The following CTNND2 variants were observed in gnomAD, a reference collection of about 807,000 sequenced individuals.
CTNND2 encodes catenin delta-2.
CTNND2 carries 22 observed loss-of-function variants against 144.4 expected under a neutral mutation model. That is an observed-to-expected ratio of 0.15 (90% CI 0.11 to 0.22). The LOEUF (loss-of-function observed/expected upper bound fraction) is 0.22. Among genes scored for constraint, CTNND2 ranks in the 10% least tolerant of loss-of-function variants. CTNND2 has a pLI of 1.00. For missense variants in CTNND2, 1,353 were observed against 1,618.8 expected, an observed-to-expected ratio of 0.84 and a Z score of 2.82; for synonymous variants, 751 against 695.6, an observed-to-expected ratio of 1.08 and a Z score of -1.25.
chr5:11,799,047 T>C (rs1349144726), intron 1 of CTNND2, among the ~76,000 whole-genome samples: 1 of 152,176 alleles, frequency 6.6e-6, no homozygotes, highest in African/African-American at 2.4e-5. Flanking sequence ...GGTTTGTCAA[T>C]ATTCTTTTTT....
intron 3 of CTNND2, among the ~76,000 whole-genome samples, chr5:11,422,898 A>G (rs1390752949): frequency 2.0e-5 from 3 of 152,216 alleles, no homozygotes; most frequent in Non-Finnish European, 4.4e-5. Context: ...GGTGCATTAT[A>G]AAGTAGAAAA....
intron 9 of CTNND2, among the ~76,000 whole-genome samples, chr5:11,315,951 T>C (rs1352248569): frequency 2.0e-5 from 3 of 152,186 alleles, no homozygotes; most frequent in Non-Finnish European, 1.5e-5. Context: ...AGGACAACTT[T>C]TGGCCATTAC....
intron 11 of CTNND2, among the ~76,000 whole-genome samples, chr5:11,182,930 C>T (rs752207952): frequency 5.4e-4 from 82 of 152,184 alleles, no homozygotes; most frequent in Non-Finnish European, 1.1e-3. Context: ...TTAGTAAGAT[C>T]CTGGTATTTG....
intron 1 of CTNND2, among the ~76,000 whole-genome samples, chr5:11,873,926 G>C (rs1305025149): frequency 6.6e-6 from 1 of 152,190 alleles, no homozygotes. Flanking sequence ...AAGTAATACA[G>C]AGGGAGCCTA....
At chr5:11,240,243 ACACACT>A (rs1277855797) in intron 9 of CTNND2, among the ~76,000 whole-genome samples, 19 of 125,594 alleles carry the variant, frequency 1.5e-4, no homozygotes, top group African/African-American at 4.6e-4. Context: ...ACACCAACAC[ACACACT>A]CACACACCCA....
At chr5:11,538,133 T>TA (rs1222594847) in intron 3 of CTNND2, among the ~76,000 whole-genome samples, 1 of 152,220 alleles carries the variant, frequency 6.6e-6, no homozygotes, top group Admixed American at 6.5e-5. Context: ...ATTTTGTCCA[T>TA]AAACCAACTG....
Position 11,685,136 on chromosome 5 carries a change from C to T in CTNND2, c.174+47000G>A, listed in dbSNP as rs115588024. 4.2e-3 allele frequency among the ~76,000 whole-genome samples: 640 copies of T among 152,190 alleles called. 5 individuals carry two copies. Among genetic ancestry groups the T allele is most frequent in the African/African-American group, 0.015 (609 of 41,530 alleles). ...TGTTACTTTAGAAAGTAGATTACCA[C>T]AAAAAGAAAAACAGTACTATGTTGA... On this transcript the variant is annotated intron_variant, in intron 2 of 21. Transcript: ENST00000304623.
intron 16 of CTNND2, among the ~76,000 whole-genome samples, chr5:11,063,753 G>A (rs62337247): frequency 0.19 from 28,227 of 150,312 alleles, 3,114 homozygotes; most frequent in Non-Finnish European, 0.26. Flanking sequence ...AATGCCACCC[G>A]GGAAACTAAA....
chr5:11,559,455 T>G (rs1776512286), intron 3 of CTNND2, among the ~76,000 whole-genome samples: 1 of 152,126 alleles, frequency 6.6e-6, no homozygotes, highest in Admixed American at 6.5e-5. Flanking sequence ...AAAATGAATT[T>G]AGCACGACGC....
intron 12 of CTNND2, among the ~76,000 whole-genome samples, chr5:11,149,190 CT>C (rs1422627131): frequency 6.6e-6 from 1 of 152,206 alleles, no homozygotes; most frequent in Non-Finnish European, 1.5e-5. Flanking sequence ...TTGCAGTAAG[CT>C]TCATTTCCTC....
intron 9 of CTNND2, among the ~76,000 whole-genome samples, chr5:11,305,933 G>A (rs1004496734): frequency 2.6e-5 from 4 of 152,208 alleles, no homozygotes; most frequent in Admixed American, 6.5e-5. Context: ...GGTATTGCAC[G>A]GAGGTCTATA....
chr5:11,144,346 A>G (rs577705939), intron 12 of CTNND2, among the ~76,000 whole-genome samples: 2 of 152,308 alleles, frequency 1.3e-5, no homozygotes, highest in African/African-American at 2.4e-5. Flanking sequence ...GGAGGCATCA[A>G]GGAGGCATCA....
intron 9 of CTNND2, among the ~76,000 whole-genome samples, chr5:11,245,676 G>C (rs181023040): frequency 6.6e-6 from 1 of 152,130 alleles, no homozygotes; most frequent in Admixed American, 6.5e-5. Flanking sequence ...AAAACTGTAC[G>C]AGAATAAATG....
chr5:11,595,164 T>C (rs1265679949), intron 2 of CTNND2, among the ~76,000 whole-genome samples: 1 of 152,106 alleles, frequency 6.6e-6, no homozygotes, highest in Non-Finnish European at 1.5e-5. Flanking sequence ...GCTGCTGAAA[T>C]GGATTGCAGG....
At chr5:11,153,230 C>G (rs1757910328) in intron 12 of CTNND2, among the ~76,000 whole-genome samples, 2 of 152,060 alleles carry the variant, frequency 1.3e-5, no homozygotes, top group Admixed American at 1.3e-4. Context: ...CCACTGCACT[C>G]TAGCCTGGGC....
rs138238809 is a variant in CTNND2 at position 11,598,886 on chromosome 5, T to TA, written c.175-33831dup. ...AACTACCTGAGACTGGGTAATCTAT[T>TA]AAAAAAAAGATGATTAATGGACTCA... is the stretch of plus-strand genomic sequence containing the variant. On this transcript the variant is annotated intron_variant, in intron 2 of 21. Coordinates refer to ENST00000304623, the MANE Select transcript of CTNND2 (RefSeq NM_001332.4). 4.3e-3 allele frequency among the ~76,000 whole-genome samples: 655 copies of TA among 152,014 alleles called. 11 individuals are homozygous for TA. In the East Asian group the frequency reaches 0.055, roughly 13 times the overall value.
chr5:11,441,774 T>C (rs963937247), intron 3 of CTNND2, among the ~76,000 whole-genome samples: 1 of 152,032 alleles, frequency 6.6e-6, no homozygotes, highest in African/African-American at 2.4e-5. Flanking sequence ...CATTACCCTG[T>C]CTGGAGGGAA....
chr5:11,419,083 A>G (rs1163461651), intron 3 of CTNND2, among the ~76,000 whole-genome samples: 1 of 150,882 alleles, frequency 6.6e-6, no homozygotes, highest in Admixed American at 6.6e-5. Flanking sequence ...GAGAGAGAGA[A>G]TAAAAACATA....
At chr5:11,744,343 G>T (rs146891192) in intron 1 of CTNND2, among the ~76,000 whole-genome samples, 42 of 152,342 alleles carry the variant, frequency 2.8e-4, no homozygotes, top group African/African-American at 9.4e-4. Context: ...CACAGGTGAA[G>T]CAAGGAAGAT....
Sources: allele counts gnomAD v4.1 joint callset (sites outside exome capture counted in the v4.1 genomes callset), GRCh38; gene constraint gnomAD v4.1.1; transcripts MANE v1.5; gene names NCBI Gene and HGNC (gene_info 2026-07-23, HGNC 2026-07-21).